The following SYN3 variants were observed in gnomAD, a reference collection of about 807,000 sequenced individuals.
SYN3 encodes synapsin III.
A neutral mutation model predicts 65.8 loss-of-function variants in SYN3; 35 were observed. That is an observed-to-expected ratio of 0.53 (90% CI 0.41 to 0.70). The LOEUF is 0.70. Ranked by LOEUF, SYN3 falls within the 30% of genes least tolerant of loss-of-function variation. SYN3 has a pLI of 0.00. For synonymous variants in SYN3, 270 were observed against 292.9 expected (o/e 0.92, Z 0.80); for missense variants, 680 against 749.0 (o/e 0.91, Z 1.08).
rs528548439 is a variant in SYN3 at position 32,951,798 on chromosome 22, G to A, written c.370-20317C>T. On this transcript the variant is annotated intron_variant, in intron 3 of 13. Transcript: ENST00000358763. ...GGAGTGTGCAGAGTTGGGCCAGCTC[G>A]GACTCAGTTTGTGGCCTACAGTCGC... is the stretch of plus-strand genomic sequence containing the variant. Among the ~76,000 whole-genome samples the A allele has an allele frequency of 1.6e-4, 24 of 152,292 alleles. No individual in the cohort carries two copies. The East Asian group carries it at 3.7e-3, about 23-fold the overall frequency.
At chr22:32,524,826 T>C (rs920713384) in intron 12 of SYN3, among the ~76,000 whole-genome samples, 15 of 151,980 alleles carry the variant, frequency 9.9e-5, no homozygotes, top group Admixed American at 3.9e-4. Context: ...CTGGACAACA[T>C]GGTGAAACTC....
chr22:33,020,459 C>G (rs991588383), intron 1 of SYN3, among the ~76,000 whole-genome samples: 5 of 152,076 alleles, frequency 3.3e-5, no homozygotes, highest in African/African-American at 1.2e-4. Context: ...AGGCCAGATG[C>G]CCAGCCCAGA....
chr22:32,634,053 A>T (rs2059782275), intron 6 of SYN3, among the ~76,000 whole-genome samples: 1 of 152,212 alleles, frequency 6.6e-6, no homozygotes, highest in South Asian at 2.1e-4. Context: ...GTTGTAAGAG[A>T]TAAAAATGGA....
At chr22:32,735,071 C>T (rs2061321359) in intron 6 of SYN3, among the ~76,000 whole-genome samples, 1 of 152,184 alleles carries the variant, frequency 6.6e-6, no homozygotes, top group Non-Finnish European at 1.5e-5. Flanking sequence ...GGTTACACTC[C>T]ATCTGCCTCC....
intron 4 of SYN3, among the ~76,000 whole-genome samples, chr22:32,900,365 A>G (rs2049723548): frequency 6.6e-6 from 1 of 152,210 alleles, no homozygotes; most frequent in South Asian, 2.1e-4. Context: ...GGGTCACTGC[A>G]AAGTTCCGGG....
At chr22:32,743,727 G>A (rs2044845524) in intron 6 of SYN3, among the ~76,000 whole-genome samples, 1 of 152,152 alleles carries the variant, frequency 6.6e-6, no homozygotes. Context: ...GCCCGCCTGG[G>A]AGGTCAACAT....
intron 4 of SYN3, among the ~76,000 whole-genome samples, chr22:32,912,571 A>AT (rs2050080980): frequency 1.3e-5 from 2 of 152,118 alleles, no homozygotes; most frequent in Middle Eastern, 3.4e-3. Context: ...ATAATAATAA[A>AT]TTAGCCAGGG....
At chr22:32,730,376 G>A (rs138941783) in intron 6 of SYN3, among the ~76,000 whole-genome samples, 2 of 152,326 alleles carry the variant, frequency 1.3e-5, no homozygotes, top group East Asian at 3.9e-4. Context: ...GGCTTCCCAT[G>A]TGCTTCTGCC....
chr22:32,910,176 G>A (rs1054327366), intron 4 of SYN3, among the ~76,000 whole-genome samples: 2 of 152,164 alleles, frequency 1.3e-5, no homozygotes, highest in Admixed American at 6.5e-5. Context: ...AAAATGAATG[G>A]GTTAGGCTAG....
chr22:32,679,048 C>CTTTTTTTTTTT (rs145971116), intron 6 of SYN3, among the ~76,000 whole-genome samples: 86 of 85,594 alleles, frequency 1.0e-3, no homozygotes, highest in East Asian at 1.6e-3. Flanking sequence ...TTGTTTCTTT[C>CTTTTTTTTTTT]TTTTTTTTTT....
At chr22:32,973,335 G>C (rs552542341) in intron 3 of SYN3, among the ~76,000 whole-genome samples, 1 of 152,154 alleles carries the variant, frequency 6.6e-6, no homozygotes, top group Admixed American at 6.5e-5. Flanking sequence ...AGATTGGTGC[G>C]GGCAGAGTGG....
At chr22:32,579,598 C>A (rs2058905883) in intron 7 of SYN3, among the ~76,000 whole-genome samples, 1 of 152,106 alleles carries the variant, frequency 6.6e-6, no homozygotes, top group Admixed American at 6.5e-5. Context: ...AGGAAGACAC[C>A]AACATTCAGA....
At chr22:32,648,010 A>G (rs955905745) in intron 6 of SYN3, among the ~76,000 whole-genome samples, 1 of 152,066 alleles carries the variant, frequency 6.6e-6, no homozygotes, top group Non-Finnish European at 1.5e-5. Context: ...AGTAGCTGAG[A>G]CTACAGACAC....
chr22:32,846,220 GATGGGT>G (rs2048058320), intron 6 of SYN3, among the ~76,000 whole-genome samples: 1 of 152,302 alleles, frequency 6.6e-6, no homozygotes, highest in South Asian at 2.1e-4. Flanking sequence ...GATAAGGTGG[GATGGGT>G]ACATGTGATA....
intron 3 of SYN3, among the ~76,000 whole-genome samples, chr22:32,956,471 A>G (rs933042352): frequency 6.6e-6 from 1 of 152,088 alleles, no homozygotes; most frequent in Non-Finnish European, 1.5e-5. Flanking sequence ...ACTAATTTCT[A>G]TCCTACTGTG....
intron 6 of SYN3, among the ~76,000 whole-genome samples, chr22:32,840,066 G>A (rs576815551): frequency 2.6e-5 from 4 of 152,160 alleles, no homozygotes; most frequent in Admixed American, 6.5e-5. Flanking sequence ...GGAACACAAG[G>A]CAGGTACTGA....
At chr22:32,674,414 G>A (rs2060412757) in intron 6 of SYN3, among the ~76,000 whole-genome samples, 1 of 152,152 alleles carries the variant, frequency 6.6e-6, no homozygotes, top group Non-Finnish European at 1.5e-5. Context: ...CATGTCATGA[G>A]GGAAGGGGCT....
At chr22:32,952,293 T>G (rs529860461) in intron 3 of SYN3, among the ~76,000 whole-genome samples, 107 of 143,624 alleles carry the variant, frequency 7.5e-4, no homozygotes, top group African/African-American at 2.0e-3. Context: ...AATGTGTGTG[T>G]GGGGGGGTGT....
At chr22:32,562,906 G>A (rs1228650349) in intron 7 of SYN3, among the ~76,000 whole-genome samples, 1 of 152,276 alleles carries the variant, frequency 6.6e-6, no homozygotes, top group Non-Finnish European at 1.5e-5. Context: ...ACAAGGGAAA[G>A]AAGAGCCAGG....
Sources: allele counts gnomAD v4.1 joint callset (sites outside exome capture counted in the v4.1 genomes callset), GRCh38; gene constraint gnomAD v4.1.1; transcripts MANE v1.5; gene names NCBI Gene and HGNC (gene_info 2026-07-23, HGNC 2026-07-21).